RANBP10: variants seen among roughly 807,000 people sequenced by gnomAD.
RANBP10 encodes RAN binding protein 10.
Under a neutral mutation model 72.8 loss-of-function variants are expected in RANBP10, and 24 were observed. The observed-to-expected ratio is 0.33, with a 90% CI of 0.24 to 0.46. The LOEUF (loss-of-function observed/expected upper bound fraction) is 0.46. Ranked by LOEUF, RANBP10 falls within the 20% of genes least tolerant of loss-of-function variation. The pLI is 1.00. For missense variants in RANBP10, 679 were observed against 817.5 expected (o/e 0.83, Z 2.07); for synonymous variants, 310 against 322.3 (o/e 0.96, Z 0.41).
At chr16:67,792,781 C>CA (rs755192834) in intron 2 of RANBP10, among the ~76,000 whole-genome samples, 5,843 of 99,474 alleles carry the variant, frequency 0.059, 125 homozygotes, top group Middle Eastern at 0.21. Context: ...GACTCCGTCT[C>CA]AAAAAAAAAA....
At chr16:67,793,760 G>A (rs1427002095) in intron 2 of RANBP10, among the ~76,000 whole-genome samples, 1 of 152,068 alleles carries the variant, frequency 6.6e-6, no homozygotes, top group Non-Finnish European at 1.5e-5. Flanking sequence ...GGAAATTTCT[G>A]GTTTCTGTTT....
Position 67,729,658 on chromosome 16 carries a change from A to C in RANBP10, c.1147+22T>G. ...TCTCCTCCACACCAGTTCTTCCCAG[A>C]GCCCTCTGGAGAGTGGCTGACCTGT... is the stretch of plus-strand genomic sequence containing the variant. On this transcript the variant is annotated intron_variant, in intron 9 of 13. Coordinates refer to ENST00000317506, the MANE Select transcript of RANBP10 (RefSeq NM_020850.3). The surrounding 1 kb of genome is among the most constrained non-coding windows in gnomAD (Gnocchi z 7.1). 2 of 1,595,844 alleles carry C rather than the reference A, an allele frequency of 1.3e-6. No homozygotes were observed. Among genetic ancestry groups the C allele is most frequent in the Non-Finnish European group, 1.7e-6 (2 of 1,170,540 alleles).
At chr16:67,799,348 C>T (rs979444411) in intron 2 of RANBP10, among the ~76,000 whole-genome samples, 2 of 143,938 alleles carry the variant, frequency 1.4e-5, no homozygotes, top group Admixed American at 7.2e-5. Context: ...AGTGCAGTGG[C>T]GCGATCTCGG....
At chr16:67,774,727 AG>A (rs1189644094) in intron 2 of RANBP10, among the ~76,000 whole-genome samples, 1 of 152,194 alleles carries the variant, frequency 6.6e-6, no homozygotes, top group African/African-American at 2.4e-5. Flanking sequence ...TCAGGGTTCA[AG>A]GCGAATAAGC....
intron 2 of RANBP10, among the ~76,000 whole-genome samples, chr16:67,775,830 G>A (rs1294964211): frequency 6.7e-6 from 1 of 148,496 alleles, no homozygotes; most frequent in African/African-American, 2.5e-5. Flanking sequence ...AGAAAAGAAA[G>A]GGAAACTCTA....
At chr16:67,797,158 A>C (rs2055148336) in intron 2 of RANBP10, among the ~76,000 whole-genome samples, 1 of 152,220 alleles carries the variant, frequency 6.6e-6, no homozygotes, top group South Asian at 2.1e-4. Context: ...TCTCCCTTAC[A>C]CCATGACCCA....
At chr16:67,778,373 T>C (rs2054748389) in intron 2 of RANBP10, among the ~76,000 whole-genome samples, 1 of 152,110 alleles carries the variant, frequency 6.6e-6, no homozygotes, top group Non-Finnish European at 1.5e-5. Context: ...AAGAAGTTTT[T>C]TGCTTATATT....
intron 2 of RANBP10, among the ~76,000 whole-genome samples, chr16:67,802,167 T>C (rs915078034): frequency 2.0e-5 from 3 of 151,986 alleles, no homozygotes; most frequent in Non-Finnish European, 2.9e-5. Flanking sequence ...TGTAACTGCC[T>C]TTGGCCTCCT....
intron 3 of RANBP10, 125 bp downstream of exon 3, chr16:67,771,909 G>T: frequency 9.1e-7 from 1 of 1,103,278 alleles, no homozygotes; most frequent in Non-Finnish European, 1.3e-6. Context: ...CCTCCAACCA[G>T]TAGCATGGCT....
chr16:67,788,032 T>C (rs1000883504), intron 2 of RANBP10, among the ~76,000 whole-genome samples: 1 of 152,190 alleles, frequency 6.6e-6, no homozygotes, highest in Admixed American at 6.5e-5. Context: ...AGAGACTGGG[T>C]TTCACCATGT....
At chr16:67,785,443 C>T (rs2054897633) in intron 2 of RANBP10, among the ~76,000 whole-genome samples, 1 of 151,642 alleles carries the variant, frequency 6.6e-6, no homozygotes, top group African/African-American at 2.4e-5. Flanking sequence ...TTCTGTGCAT[C>T]AAAAGACATC....
intron 4 of RANBP10, chr16:67,739,977 G>C (rs1340525697): frequency 6.6e-6 from 1 of 151,818 alleles, no homozygotes; most frequent in Non-Finnish European, 1.5e-5. Context: ...AGGACTCAAA[G>C]CCCTCTCATT....
Position 67,729,949 on chromosome 16 carries a change from G to C in RANBP10, c.987C>G (p.Leu329=). Residue 329 remains leucine (L), a synonymous_variant, in exon 8 of 14, where the codon CTC becomes CTG. Coordinates refer to ENST00000317506, the MANE Select transcript of RANBP10 (RefSeq NM_020850.3). The surrounding 1 kb of genome is among the most constrained non-coding windows in gnomAD (Gnocchi z 7.1). ...TGCCCAAGACTTACTTGAGCATGAA[G>C]AGGAGGTTGGGGTTGTGCTCCAGCA... The part of the protein sequence containing the change: ...PGLLEHNPNL[L]FMLKCRQFVE... 4 of 1,613,846 alleles carry C rather than the reference G, an allele frequency of 2.5e-6. No individual in the cohort carries two copies. Among genetic ancestry groups the C allele is most frequent in the Non-Finnish European group, 3.4e-6 (4 of 1,180,038 alleles).
At chr16:67,733,715 G>A (rs1027723522) in intron 6 of RANBP10, among the ~76,000 whole-genome samples, 2 of 152,166 alleles carry the variant, frequency 1.3e-5, no homozygotes, top group African/African-American at 4.8e-5. Flanking sequence ...GCACATGCCT[G>A]TGATGCCAGC....
chr16:67,785,989 A>T (rs1041813961), intron 2 of RANBP10, among the ~76,000 whole-genome samples: 3 of 150,390 alleles, frequency 2.0e-5, no homozygotes, highest in African/African-American at 7.4e-5. Flanking sequence ...TCAGAGCGAG[A>T]CTCCATCTCA....
chr16:67,784,744 G>A (rs972742230), intron 2 of RANBP10, among the ~76,000 whole-genome samples: 4 of 151,306 alleles, frequency 2.6e-5, no homozygotes, highest in African/African-American at 4.9e-5. Flanking sequence ...GCTTGAACCC[G>A]GGAGGCGGAG....
intron 6 of RANBP10, among the ~76,000 whole-genome samples, chr16:67,734,175 G>C (rs913745654): frequency 6.6e-6 from 1 of 152,240 alleles, no homozygotes; most frequent in Non-Finnish European, 1.5e-5. Flanking sequence ...AATGACCACA[G>C]GCAGTGGAAG....
intron 2 of RANBP10, among the ~76,000 whole-genome samples, chr16:67,792,336 C>T (rs948103123): frequency 3.3e-5 from 5 of 151,944 alleles, no homozygotes; most frequent in South Asian, 2.1e-4. Context: ...AGGCGGATCA[C>T]GAGGTCAGGA....
chr16:67,760,428 A>C (rs995034287), intron 3 of RANBP10, among the ~76,000 whole-genome samples: 1 of 152,202 alleles, frequency 6.6e-6, no homozygotes, highest in African/African-American at 2.4e-5. Context: ...TGTCCTACCC[A>C]GCAGAAGCAG....
Sources: allele counts gnomAD v4.1 joint callset (sites outside exome capture counted in the v4.1 genomes callset), GRCh38; gene constraint gnomAD v4.1.1; non-coding constraint Gnocchi (gnomAD v3.1); transcripts MANE v1.5; gene names NCBI Gene and HGNC (gene_info 2026-07-23, HGNC 2026-07-21).